Variants in GDPD4 observed in about 807,000 individuals in gnomAD.
The protein encoded by GDPD4 is glycerophosphodiester phosphodiesterase domain containing 4.
In GDPD4, 60 loss-of-function variants were observed where a neutral mutation model predicts 67.8. The observed-to-expected ratio is 0.88, with a 90% CI of 0.72 to 1.10. The LOEUF (loss-of-function observed/expected upper bound fraction) is 1.10, where lower values mean the gene tolerates loss of function less well. Ranked by LOEUF, GDPD4 falls within the 50% of genes least tolerant of loss-of-function variation. The pLI is 0.00. For synonymous variants in GDPD4, 212 were observed against 210.9 expected, an observed-to-expected ratio of 1.00 and a Z score of -0.04; for missense variants, 623 against 613.9, an observed-to-expected ratio of 1.01 and a Z score of -0.16.
At chr11:77,294,464 A>C (rs1239685411) in intron 1 of GDPD4, among the ~76,000 whole-genome samples, 2 of 152,206 alleles carry the variant, frequency 1.3e-5, no homozygotes, top group Non-Finnish European at 2.9e-5. Flanking sequence ...TTGATGAAAG[A>C]AATCAAAGAA....
In GDPD4 at chr11:77,240,312, A is replaced by G. The variant is rs187920593; in HGVS notation, c.1241+3382T>C. ...CAGACACATACCAGTGGAACAGAATAGAGAGCCCAGATGTAAATTCAAATC... is the reference window on the plus strand; with the variant it reads ...CAGACACATACCAGTGGAACAGAATGGAGAGCCCAGATGTAAATTCAAATC... On this transcript the variant is annotated intron_variant, in intron 13 of 16. Coordinates refer to ENST00000315938, the MANE Select transcript of GDPD4 (RefSeq NM_182833.3). Among the ~76,000 whole-genome samples the G allele has an allele frequency of 7.3e-4, 111 of 152,330 alleles. 1 individual carries two copies. Among genetic ancestry groups the G allele is most frequent in the African/African-American group, 2.5e-3 (106 of 41,574 alleles).
chr11:77,277,834 T>C (rs1959560367), intron 4 of GDPD4, among the ~76,000 whole-genome samples: 1 of 151,872 alleles, frequency 6.6e-6, no homozygotes, highest in African/African-American at 2.4e-5. Flanking sequence ...TGTTAGGATG[T>C]CAATTTTAGA....
intron 10 of GDPD4, among the ~76,000 whole-genome samples, chr11:77,261,185 T>G (rs556796420): frequency 6.6e-6 from 1 of 152,284 alleles, no homozygotes; most frequent in South Asian, 2.1e-4. Flanking sequence ...AAGAAAAATA[T>G]GTCAGATTGC....
chr11:77,220,725 G>T (rs1958209709), intron 16 of GDPD4, among the ~76,000 whole-genome samples: 1 of 152,214 alleles, frequency 6.6e-6, no homozygotes, highest in Non-Finnish European at 1.5e-5. Context: ...CTCATAAAAT[G>T]AGTGAGGGAG....
rs1168755348 is a variant in GDPD4 at position 77,217,079 on chromosome 11, T to G, written c.*198A>C. Reference sequence around the variant, plus strand: ...AAAGACCACGGTGGGCATCGGTGGTTGAATCTCATGCTTGCCAGGCTTCAA... The same window carrying G: ...AAAGACCACGGTGGGCATCGGTGGTGGAATCTCATGCTTGCCAGGCTTCAA... On this transcript the variant is annotated 3_prime_UTR_variant, in exon 17 of 17. Transcript: ENST00000315938. 7.1e-6 allele frequency: 5 copies of G among 705,838 alleles called. No individual in the cohort carries two copies. Among genetic ancestry groups the G allele is most frequent in the Non-Finnish European group, 1.0e-5 (4 of 385,398 alleles). 43.7% of individuals were successfully genotyped at this position (705,838 alleles called of 1,614,324 possible).
intron 11 of GDPD4, among the ~76,000 whole-genome samples, chr11:77,248,051 C>CAAA (rs34252021): frequency 3.7e-4 from 23 of 62,480 alleles, no homozygotes; most frequent in Middle Eastern, 0.01. Context: ...AACTCCGTCT[C>CAAA]AAAAAAAAAA....
Position 77,285,119 on chromosome 11 carries a change from T to C in GDPD4, c.19A>G (p.Ile7Val). Reference sequence around the variant, plus strand: ...TTAAAGTATTCACTGGATGTTTCTATCCACAGGAACAGCAACATCAGAGAC... The same window carrying C: ...TTAAAGTATTCACTGGATGTTTCTACCCACAGGAACAGCAACATCAGAGAC... MLLFLW[I>V]ETSSEYFNFD... The change falls in exon 3 of 17, where the codon ATA becomes GTA. Residue 7 changes from isoleucine to valine, a missense_variant. Transcript: ENST00000315938. 3.1e-6 allele frequency: 5 copies of C among 1,612,654 alleles called. No individual in the cohort carries two copies. Among genetic ancestry groups the C allele is most frequent in the African/African-American group, 2.7e-5 (2 of 75,000 alleles).
chr11:77,282,682 G>A (rs557272117), intron 3 of GDPD4, among the ~76,000 whole-genome samples: 2 of 151,016 alleles, frequency 1.3e-5, no homozygotes, highest in East Asian at 3.9e-4. Flanking sequence ...GTGAGACCCT[G>A]CCTCAAAAAA....
At chr11:77,287,141 G>T (rs1186564645) in intron 2 of GDPD4, 77 bp downstream of exon 2, 1 of 152,236 alleles carries the variant, frequency 6.6e-6, no homozygotes, top group Non-Finnish European at 1.5e-5. Flanking sequence ...ACCATAAAGA[G>T]CCCTCATGGG....
At position 77,216,785 on chromosome 11, in the gene GDPD4, C is replaced by T. The variant is rs1028388691; in HGVS notation, c.*492G>A. 1.6e-6 allele frequency: 1 copy of T among 606,086 alleles called. No homozygotes were observed. The highest frequency in any genetic ancestry group is 2.7e-5 in the East Asian group (1 of 36,500). The allele number at this position is 606,086 out of a possible 1,614,324, so 37.5% of individuals were successfully genotyped here. A position where few individuals can be genotyped will look rare whatever the true frequency, so the allele number is the denominator to read the frequency against. ...GCCTTTATCAACCACTCCCCACCAT[C>T]ACCACCCTTAGGCAGAGAGAGGAAG... On this transcript the variant is annotated 3_prime_UTR_variant, in exon 17 of 17. Coordinates refer to ENST00000315938, the MANE Select transcript of GDPD4 (RefSeq NM_182833.3).
chr11:77,243,311 T>C (rs909068336), intron 13 of GDPD4, among the ~76,000 whole-genome samples: 3 of 152,200 alleles, frequency 2.0e-5, no homozygotes, highest in Admixed American at 6.5e-5. Context: ...CACAAAGCCA[T>C]TTACAAGGTA....
chr11:77,279,206 TCTGAGAGTCCCCAGTACCAA>T, intron 4 of GDPD4, 80 bp downstream of exon 4: 1 of 692,208 alleles, frequency 1.4e-6, no homozygotes, highest in South Asian at 1.8e-5. Flanking sequence ...GATCTTAGGT[TCTGAGAGTCCCCAGTACCAA>T]CTGGATACTA....
At chr11:77,268,605 T>A in intron 9 of GDPD4, 66 bp from the exon 10 acceptor site, 1 of 1,268,994 alleles carries the variant, frequency 7.9e-7, no homozygotes, top group South Asian at 1.2e-5. Flanking sequence ...CCTTTTGTGG[T>A]AGGGGTAGAG....
intron 15 of GDPD4, among the ~76,000 whole-genome samples, chr11:77,228,499 C>CAAAAA (rs58364800): frequency 0.017 from 445 of 26,596 alleles, 50 homozygotes; most frequent in East Asian, 0.045. Context: ...GACTCCGTCT[C>CAAAAA]AAAAAAAAAA....
intron 11 of GDPD4, among the ~76,000 whole-genome samples, chr11:77,246,973 A>G (rs1055568152): frequency 3.9e-5 from 6 of 152,174 alleles, no homozygotes; most frequent in African/African-American, 7.2e-5. Context: ...AAGAAGTCAC[A>G]TTTTCTTAAG....
Position 77,243,853 on chromosome 11 carries a change from A to G in GDPD4, c.1087-5T>C, listed in dbSNP as rs7104577. 751,793 of 1,607,968 alleles carry G rather than the reference A, an allele frequency of 0.47. 178,603 individuals carry two copies. The highest frequency in any genetic ancestry group is 0.55 in the Admixed American group (32,764 of 59,650). On this transcript the variant is annotated splice_polypyrimidine_tract_variant and splice_region_variant and intron_variant, in intron 12 of 16. Transcript: ENST00000315938. ...ATGAGCTGGCAACCAAAAAATCTCT[A>G]AGGAGAAACAAGAAGTCCCTCAGTA... is the stretch of plus-strand genomic sequence containing the variant.
Position 77,271,812 on chromosome 11 carries a change from G to A in GDPD4, c.208-419C>T, listed in dbSNP as rs116583974. Among the ~76,000 whole-genome samples, 504 of 152,138 alleles carry A rather than the reference G, an allele frequency of 3.3e-3. 4 individuals are homozygous for A. Among genetic ancestry groups the A allele is most frequent in the African/African-American group, 0.011 (467 of 41,478 alleles). ...AATACTCTGTAATTGCCTTTTCAAC[G>A]TCCGTTTTCCCCAACAGACTATAAG... On this transcript the variant is annotated intron_variant, in intron 5 of 16. Transcript: ENST00000315938.
At chr11:77,271,064 G>A in intron 7 of GDPD4, 66 bp downstream of exon 7, 1 of 1,094,616 alleles carries the variant, frequency 9.1e-7, no homozygotes, top group Middle Eastern at 2.0e-4. Context: ...CTGTTTTCCT[G>A]AGTGGAGTAT....
At chr11:77,275,281 GAAC>G (rs759233502) in intron 5 of GDPD4, among the ~76,000 whole-genome samples, 43 of 152,286 alleles carry the variant, frequency 2.8e-4, no homozygotes, top group Non-Finnish European at 4.0e-4. Context: ...GCCCATGGGA[GAAC>G]AAAACAAGGA....
Sources: gnomAD v4.1 joint callset for allele counts (sites outside exome capture counted in the v4.1 genomes callset) on GRCh38, gnomAD v4.1.1 for gene constraint, MANE v1.5 for transcripts, NCBI Gene and HGNC (gene_info 2026-07-23, HGNC 2026-07-21) for gene names.